The following DLGAP1 variants were observed in gnomAD, a reference collection of about 807,000 sequenced individuals.
DLGAP1 encodes disks large-associated protein 1.
DLGAP1 carries 11 observed loss-of-function variants against 90.8 expected under a neutral mutation model. That is an observed-to-expected ratio of 0.12 (90% CI 0.08 to 0.20). The LOEUF is 0.20. Among genes scored for constraint, DLGAP1 ranks in the 10% least tolerant of loss-of-function variants. The probability of loss-of-function intolerance (pLI) is 1.00; values close to 1 mark genes in which losing one functional copy is unlikely to be tolerated. For synonymous variants in DLGAP1, 558 were observed against 540.7 expected, an observed-to-expected ratio of 1.03 and a Z score of -0.44; for missense variants, 1,050 against 1,333.8, an observed-to-expected ratio of 0.79 and a Z score of 3.31.
At chr18:3,574,974 C>T (rs939033247) in intron 8 of DLGAP1, among the ~76,000 whole-genome samples, 1 of 151,526 alleles carries the variant, frequency 6.6e-6, no homozygotes, top group Non-Finnish European at 1.5e-5. Context: ...GCCACCACGC[C>T]CAGCTAATTT....
rs570514261 is a variant in DLGAP1, at chr18:4,084,106, C to T, written c.-159+67074G>A. Among the ~76,000 whole-genome samples, 116 of 152,238 alleles carry T rather than the reference C, an allele frequency of 7.6e-4. No homozygotes were observed. Among genetic ancestry groups the T allele is most frequent in the African/African-American group, 2.6e-3 (106 of 41,538 alleles). On this transcript the variant is annotated intron_variant, in intron 2 of 12. Transcript: ENST00000315677. This position sits in a 1 kb window ranked among gnomAD's most constrained non-coding sequence, Gnocchi z 4.0. Reference sequence around the variant, plus strand: ...CAAAACCCTTAAAAATCCTAGCCCCCAAACTCCTCAAAAAGATGGACTTGA... The same window carrying T: ...CAAAACCCTTAAAAATCCTAGCCCCTAAACTCCTCAAAAAGATGGACTTGA...
intron 9 of DLGAP1, among the ~76,000 whole-genome samples, chr18:3,540,692 C>T (rs2052645404): frequency 6.6e-6 from 1 of 152,058 alleles, no homozygotes; most frequent in Non-Finnish European, 1.5e-5. Flanking sequence ...TCAAGACAAA[C>T]ATCCATCTGT....
chr18:3,550,944 G>A (rs2053369829), intron 9 of DLGAP1, among the ~76,000 whole-genome samples: 3 of 151,600 alleles, frequency 2.0e-5, no homozygotes, highest in South Asian at 2.1e-4. Flanking sequence ...GTTTCACCAT[G>A]TTGGCCAGGC....
At chr18:3,999,471 G>A (rs760318321) in intron 3 of DLGAP1, among the ~76,000 whole-genome samples, 16 of 152,088 alleles carry the variant, frequency 1.1e-4, no homozygotes, top group African/African-American at 2.9e-4. Flanking sequence ...TGCAAACATC[G>A]TCACATCTAT....
chr18:3,898,469 A>G (rs538084564), intron 3 of DLGAP1, among the ~76,000 whole-genome samples: 1 of 152,198 alleles, frequency 6.6e-6, no homozygotes, highest in Non-Finnish European at 1.5e-5. Context: ...ATTTACTTGT[A>G]GTTAATCCAG....
intron 1 of DLGAP1, among the ~76,000 whole-genome samples, chr18:4,361,268 AAAT>A (rs1421197187): frequency 6.6e-6 from 1 of 152,190 alleles, no homozygotes; most frequent in African/African-American, 2.4e-5. Context: ...ATTGCGCAGA[AAAT>A]AATAATTTTC....
At chr18:3,920,141 G>A (rs1278934190) in intron 3 of DLGAP1, among the ~76,000 whole-genome samples, 2 of 152,008 alleles carry the variant, frequency 1.3e-5, no homozygotes, top group East Asian at 1.9e-4. Flanking sequence ...TCAGGAGTTC[G>A]AGACCAGCCT....
intron 9 of DLGAP1, among the ~76,000 whole-genome samples, chr18:3,541,911 A>C (rs1413936712): frequency 6.6e-6 from 1 of 152,090 alleles, no homozygotes; most frequent in Admixed American, 6.6e-5. Context: ...TGGTGGAAAA[A>C]AAAAAAGGGG....
At chr18:4,164,366 C>T (rs1466578715) in intron 1 of DLGAP1, among the ~76,000 whole-genome samples, 1 of 152,116 alleles carries the variant, frequency 6.6e-6, no homozygotes, top group Non-Finnish European at 1.5e-5. Flanking sequence ...AAACAGCTAT[C>T]ATAAGACTGT....
intron 1 of DLGAP1, among the ~76,000 whole-genome samples, chr18:4,334,535 A>G (rs2081028039): frequency 6.6e-6 from 1 of 151,864 alleles, no homozygotes. Flanking sequence ...CAATTTGCAA[A>G]AGTATTTGTA....
intron 4 of DLGAP1, among the ~76,000 whole-genome samples, chr18:3,840,020 C>T (rs188873864): frequency 9.8e-5 from 15 of 152,360 alleles, no homozygotes; most frequent in African/African-American, 3.6e-4. Flanking sequence ...TCCTTCAAAA[C>T]CCTCTCTTTC....
chr18:3,813,988 A>T (rs2066967196), intron 5 of DLGAP1, 71 bp downstream of exon 5: 1 of 1,478,122 alleles, frequency 6.8e-7, no homozygotes, highest in African/African-American at 1.4e-5. Flanking sequence ...ACTCTAGGAG[A>T]CACACCATCT....
At chr18:3,948,066 T>G (rs1030176672) in intron 3 of DLGAP1, among the ~76,000 whole-genome samples, 1 of 152,236 alleles carries the variant, frequency 6.6e-6, no homozygotes, top group Middle Eastern at 3.4e-3. Context: ...GGAAGCAAAG[T>G]ACACTCCCAT....
chr18:4,352,878 T>C (rs1567854827), intron 1 of DLGAP1, among the ~76,000 whole-genome samples: 1 of 152,218 alleles, frequency 6.6e-6, no homozygotes, highest in Non-Finnish European at 1.5e-5. Flanking sequence ...GAGGAGGAAC[T>C]GCTTGTAACT....
chr18:4,167,410 G>C (rs1168101940), intron 1 of DLGAP1, among the ~76,000 whole-genome samples: 4 of 152,066 alleles, frequency 2.6e-5, no homozygotes, highest in African/African-American at 7.2e-5. Flanking sequence ...ACTAGAGAAA[G>C]AGAGGGACAT....
chr18:3,689,053 T>C (rs1233558011), intron 7 of DLGAP1, among the ~76,000 whole-genome samples: 1 of 152,212 alleles, frequency 6.6e-6, no homozygotes, highest in East Asian at 1.9e-4. Context: ...TATAAGGCCC[T>C]ACCCCTGTGC....
In DLGAP1 at chr18:4,288,488, AT is replaced by A. The variant is rs150967760; in HGVS notation, c.-266-137202del. The stretch of plus-strand genomic sequence containing the variant: ...CTCAAAAGCTCTACCTGGTTCCATG[AT>A]TGTTATCTGAAGGGCAGCTCCAGTT... On this transcript the variant is annotated intron_variant, in intron 1 of 12. Transcript: ENST00000315677. Among the ~76,000 whole-genome samples the A allele has an allele frequency of 1.4e-3, 214 of 152,218 alleles. 1 individual carries two copies. The highest frequency in any genetic ancestry group is 4.9e-3 in the African/African-American group (205 of 41,530).
intron 1 of DLGAP1, among the ~76,000 whole-genome samples, chr18:4,242,721 CTG>C (rs2078566741): frequency 6.6e-6 from 1 of 152,068 alleles, no homozygotes; most frequent in African/African-American, 2.4e-5. Flanking sequence ...TGTAGCATAC[CTG>C]TGAGGGCTAG....
At chr18:4,198,363 A>G (rs1040850715) in intron 1 of DLGAP1, among the ~76,000 whole-genome samples, 2 of 152,234 alleles carry the variant, frequency 1.3e-5, no homozygotes, top group African/African-American at 4.8e-5. Context: ...GATCTCAAAT[A>G]AGGGTTTTGT....
Sources: gnomAD v4.1 joint callset for allele counts (sites outside exome capture counted in the v4.1 genomes callset) on GRCh38, gnomAD v4.1.1 for gene constraint, Gnocchi (gnomAD v3.1) non-coding constraint, MANE v1.5 for transcripts, NCBI Gene and HGNC (gene_info 2026-07-23, HGNC 2026-07-21) for gene names.